Variants in PARVB observed in about 807,000 individuals in gnomAD.
PARVB encodes beta-parvin.
Under a neutral mutation model 47.0 loss-of-function variants are expected in PARVB, and 46 were observed. The observed-to-expected ratio is 0.98, with a 90% CI of 0.77 to 1.25. The LOEUF (loss-of-function observed/expected upper bound fraction) is 1.25. PARVB is among the 50% of genes most tolerant of loss of function. The probability of loss-of-function intolerance (pLI) is 0.00; values close to 1 mark genes in which losing one functional copy is unlikely to be tolerated. For missense variants in PARVB, 473 were observed against 471.6 expected, an observed-to-expected ratio of 1.00 and a Z score of -0.03; for synonymous variants, 196 against 196.3, an observed-to-expected ratio of 1.00 and a Z score of 0.01.
chr22:44,041,710 C>T (rs1479771485), intron 1 of PARVB, among the ~76,000 whole-genome samples: 1 of 151,534 alleles, frequency 6.6e-6, no homozygotes, highest in Non-Finnish European at 1.5e-5. Flanking sequence ...ATAGTGAGAC[C>T]CCCTCTCTAC....
chr22:44,128,684 G>C (rs1225767217), intron 4 of PARVB, among the ~76,000 whole-genome samples: 8 of 152,224 alleles, frequency 5.3e-5, no homozygotes, highest in Admixed American at 5.2e-4. Flanking sequence ...AGGTATGAGA[G>C]CCTCGCCCAC....
At chr22:44,045,137 G>T (rs1384055783) in intron 1 of PARVB, among the ~76,000 whole-genome samples, 1 of 152,082 alleles carries the variant, frequency 6.6e-6, no homozygotes, top group Non-Finnish European at 1.5e-5. Flanking sequence ...AGGTGCCCCT[G>T]CAGGGGCAGG....
At chr22:44,022,363 A>C (rs928250775), upstream of PARVB, among the ~76,000 whole-genome samples, 3 of 151,956 alleles carry the variant, frequency 2.0e-5, no homozygotes, top group Admixed American at 2.0e-4. Context: ...CTTCCCTGCA[A>C]GCCTCCTCTG....
At chr22:44,055,136 G>A (rs779358626) in intron 1 of PARVB, among the ~76,000 whole-genome samples, 2 of 151,586 alleles carry the variant, frequency 1.3e-5, no homozygotes, top group African/African-American at 2.4e-5. Flanking sequence ...ATAGTTTACT[G>A]ACTAATATTA....
At chr22:44,105,440 C>T (rs1389129733) in intron 3 of PARVB, 1 of 152,280 alleles carries the variant, frequency 6.6e-6, no homozygotes, top group Non-Finnish European at 1.5e-5. Context: ...ACACTTCTTT[C>T]AGTTTTCTCT....
chr22:44,044,210 A>ATTTT (rs2051072823), intron 1 of PARVB, among the ~76,000 whole-genome samples: 1 of 120,652 alleles, frequency 8.3e-6, no homozygotes. Flanking sequence ...TTTTTTTTTG[A>ATTTT]GATGGAGTCT....
chr22:44,135,406 A>G (rs1245912237), intron 6 of PARVB, among the ~76,000 whole-genome samples: 1 of 152,114 alleles, frequency 6.6e-6, no homozygotes, highest in Non-Finnish European at 1.5e-5. Flanking sequence ...TTACAGGCAC[A>G]TGCCACCACG....
chr22:44,010,057 C>T (rs1344477222), intron 2 of PARVB, among the ~76,000 whole-genome samples: 6 of 152,152 alleles, frequency 3.9e-5, no homozygotes, highest in African/African-American at 9.7e-5. Context: ...CCACCCTCCT[C>T]GGCCTCCCAA....
chr22:44,102,612 G>A (rs897461655), intron 3 of PARVB, among the ~76,000 whole-genome samples: 1 of 152,060 alleles, frequency 6.6e-6, no homozygotes, highest in Non-Finnish European at 1.5e-5. Flanking sequence ...CCAAGGTTGG[G>A]GGGAATCACT....
intron 7 of PARVB, 82 bp downstream of exon 7, chr22:44,136,600 A>C: frequency 8.6e-7 from 1 of 1,159,808 alleles, no homozygotes; most frequent in Middle Eastern, 2.4e-4. Flanking sequence ...AGCCAGGGAC[A>C]CCAGCGCCCA....
Position 44,068,621 on chromosome 22 carries a change from G to A in PARVB, c.113-25307G>A, listed in dbSNP as rs150171635. On this transcript the variant is annotated intron_variant, in intron 1 of 12. Coordinates refer to ENST00000338758, the MANE Select transcript of PARVB (RefSeq NM_013327.5). This position sits in a 1 kb window ranked among gnomAD's most constrained non-coding sequence, Gnocchi z 4.1. ...TGTGTTAGCATTTGGTCCTCCTGAC[G>A]TAGTCGGCACACGGGAGATGCAGCT... is the stretch of plus-strand genomic sequence containing the variant. Among the ~76,000 whole-genome samples the A allele has an allele frequency of 2.0e-5, 3 of 152,334 alleles. No homozygotes were observed. The highest frequency in any genetic ancestry group is 4.8e-5 in the African/African-American group (2 of 41,574).
intron 1 of PARVB, among the ~76,000 whole-genome samples, chr22:44,026,606 C>T (rs1603424525): frequency 6.6e-6 from 1 of 152,232 alleles, no homozygotes; most frequent in Admixed American, 6.5e-5. Context: ...GCCTTGGCAA[C>T]ATGCGCTTCT....
intron 2 of PARVB, among the ~76,000 whole-genome samples, chr22:44,010,801 C>T (rs1193688902): frequency 6.6e-6 from 1 of 150,498 alleles, no homozygotes; most frequent in African/African-American, 2.4e-5. Flanking sequence ...CCAAAAAAAT[C>T]AAAAATTTTA....
intron 12 of PARVB, among the ~76,000 whole-genome samples, chr22:44,165,633 G>A (rs566267591): frequency 6.6e-6 from 1 of 152,354 alleles, no homozygotes; most frequent in East Asian, 1.9e-4. Context: ...GTTGAGGGGA[G>A]TGATGATGGC....
intron 8 of PARVB, chr22:44,142,110 G>T (rs2053563462): frequency 2.0e-5 from 3 of 152,160 alleles, no homozygotes. Context: ...GGGCGCGGTG[G>T]CTCATGCCTT....
intron 1 of PARVB, among the ~76,000 whole-genome samples, chr22:44,028,821 G>A (rs2050775881): frequency 6.6e-6 from 1 of 152,108 alleles, no homozygotes; most frequent in African/African-American, 2.4e-5. Context: ...TCTGGATTTT[G>A]GAATTCTGTT....
At position 44,049,492 on chromosome 22, in the gene PARVB, A is replaced by G. The variant is rs1012049742; in HGVS notation, c.112+25041A>G. ...TCCACTCTTTTTCACGGGCATAAAAATATCTGCGGAGTGAAAATGTGTGCA... is the reference window on the plus strand; with the variant it reads ...TCCACTCTTTTTCACGGGCATAAAAGTATCTGCGGAGTGAAAATGTGTGCA... On this transcript the variant is annotated intron_variant, in intron 1 of 12. Coordinates refer to ENST00000338758, the MANE Select transcript of PARVB (RefSeq NM_013327.5). The surrounding 1 kb of genome is among the most constrained non-coding windows in gnomAD (Gnocchi z 4.0). Among the ~76,000 whole-genome samples the G allele has an allele frequency of 6.6e-6, 1 of 152,250 alleles. No individual in the cohort carries two copies. Among genetic ancestry groups the G allele is most frequent in the Non-Finnish European group, 1.5e-5 (1 of 68,042 alleles).
intron 1 of PARVB, among the ~76,000 whole-genome samples, chr22:44,026,561 A>G (rs1235055362): frequency 1.3e-5 from 2 of 152,204 alleles, no homozygotes; most frequent in African/African-American, 4.8e-5. Context: ...GGGCTTGAAT[A>G]ATTGAGAGTC....
At chr22:44,012,823 G>A (rs1182782594) in intron 2 of PARVB, among the ~76,000 whole-genome samples, 2 of 151,716 alleles carry the variant, frequency 1.3e-5, no homozygotes, top group African/African-American at 2.4e-5. Context: ...TATTTATTTT[G>A]AGAAATATCA....
Sources: gnomAD v4.1 joint callset for allele counts (sites outside exome capture counted in the v4.1 genomes callset) on GRCh38, gnomAD v4.1.1 for gene constraint, Gnocchi (gnomAD v3.1) non-coding constraint, MANE v1.5 for transcripts, NCBI Gene and HGNC (gene_info 2026-07-23, HGNC 2026-07-21) for gene names.